Variants in CFAP299 observed in about 807,000 individuals in gnomAD.
The protein encoded by CFAP299 is cilia- and flagella-associated protein 299.
CFAP299 carries 21 observed loss-of-function variants against 27.0 expected under a neutral mutation model. The ratio of observed to expected loss-of-function variants is 0.78; its 90% CI spans 0.55 to 1.12. CFAP299 has a LOEUF of 1.12. Among genes scored for constraint, CFAP299 ranks in the 50% most tolerant of loss-of-function variants. The pLI is 0.00. For missense variants in CFAP299, 310 were observed against 276.6 expected (o/e 1.12, Z -0.86); for synonymous variants, 104 against 98.1 (o/e 1.06, Z -0.36).
intron 3 of CFAP299, among the ~76,000 whole-genome samples, chr4:80,608,861 ATGTGTGTG>A (rs33963629): frequency 0.013 from 1,876 of 146,838 alleles, 23 homozygotes; most frequent in Non-Finnish European, 0.018. Context: ...TACACGATGC[ATGTGTGTG>A]TGTGTGTGTG....
At chr4:80,563,029 A>G (rs1311643064) in intron 2 of CFAP299, among the ~76,000 whole-genome samples, 1 of 152,076 alleles carries the variant, frequency 6.6e-6, no homozygotes, top group African/African-American at 2.4e-5. Context: ...TGTACCCAAC[A>G]CTGGAGCACC....
At chr4:80,612,450 A>G (rs1322277688) in intron 3 of CFAP299, among the ~76,000 whole-genome samples, 3 of 152,048 alleles carry the variant, frequency 2.0e-5, no homozygotes, top group Non-Finnish European at 4.4e-5. Flanking sequence ...AGAGTTTGAG[A>G]CAAAATCTGT....
chr4:80,342,186 C>T (rs6813734), intron 1 of CFAP299, among the ~76,000 whole-genome samples: 4,154 of 152,178 alleles, frequency 0.027, 201 homozygotes, highest in African/African-American at 0.095. Context: ...ACTGAACCTA[C>T]GACTGATTGG....
chr4:80,692,399 C>T (rs1242161956), intron 3 of CFAP299, among the ~76,000 whole-genome samples: 1 of 152,136 alleles, frequency 6.6e-6, no homozygotes, highest in Non-Finnish European at 1.5e-5. Flanking sequence ...CACATATCTA[C>T]AACTATCTGA....
intron 2 of CFAP299, among the ~76,000 whole-genome samples, chr4:80,445,341 G>T (rs892323917): frequency 5.3e-5 from 8 of 152,204 alleles, no homozygotes; most frequent in African/African-American, 9.7e-5. Flanking sequence ...ATACTATGCA[G>T]CCATAAAAAA....
chr4:80,808,216 A>G (rs1728964207), intron 3 of CFAP299, among the ~76,000 whole-genome samples: 1 of 152,160 alleles, frequency 6.6e-6, no homozygotes, highest in Non-Finnish European at 1.5e-5. Context: ...CTAATTTCTA[A>G]AATGAATATG....
At chr4:80,854,620 C>T (rs1452736492) in intron 3 of CFAP299, among the ~76,000 whole-genome samples, 1 of 150,648 alleles carries the variant, frequency 6.6e-6, no homozygotes, top group Non-Finnish European at 1.5e-5. Context: ...GCGGAAGACA[C>T]AGTGGCTCTG....
At chr4:80,661,719 G>T (rs1024819566) in intron 3 of CFAP299, among the ~76,000 whole-genome samples, 3 of 152,158 alleles carry the variant, frequency 2.0e-5, no homozygotes, top group African/African-American at 7.2e-5. Context: ...AATGTTCAGG[G>T]AACAAGGGAG....
Position 80,709,766 on chromosome 4 carries a change from G to A in CFAP299, c.333+126583G>A, listed in dbSNP as rs570358906. On this transcript the variant is annotated intron_variant, in intron 3 of 5. Coordinates refer to ENST00000358105, the MANE Select transcript of CFAP299 (RefSeq NM_152770.3). ...TGCCTGCAATGTGCAAAAACCTGGG[G>A]ACGTTACTTCAACATTGTGGGAGCA... Among the ~76,000 whole-genome samples the A allele has an allele frequency of 4.6e-5, 7 of 152,298 alleles. No homozygotes were observed. In the East Asian group the frequency reaches 1.4e-3, roughly 29 times the overall value.
chr4:80,768,443 A>G (rs1726023592), intron 3 of CFAP299, among the ~76,000 whole-genome samples: 1 of 152,214 alleles, frequency 6.6e-6, no homozygotes, highest in Non-Finnish European at 1.5e-5. Flanking sequence ...TTTACAAAAC[A>G]TTTTATTTTT....
chr4:80,595,450 T>G (rs1427708588), intron 3 of CFAP299, among the ~76,000 whole-genome samples: 1 of 152,206 alleles, frequency 6.6e-6, no homozygotes, highest in Admixed American at 6.5e-5. Flanking sequence ...TAAGCCCAGT[T>G]ATGCCTGCTT....
At chr4:80,623,982 A>G (rs912530627) in intron 3 of CFAP299, among the ~76,000 whole-genome samples, 1 of 152,176 alleles carries the variant, frequency 6.6e-6, no homozygotes, top group Non-Finnish European at 1.5e-5. Flanking sequence ...TGCACTGAAC[A>G]TAACCCAATG....
At chr4:80,558,730 T>G (rs966303988) in intron 2 of CFAP299, among the ~76,000 whole-genome samples, 2 of 151,550 alleles carry the variant, frequency 1.3e-5, no homozygotes, top group African/African-American at 4.8e-5. Flanking sequence ...GTGTAGAACA[T>G]AGATTAAAAA....
intron 3 of CFAP299, among the ~76,000 whole-genome samples, chr4:80,627,250 T>G (rs913777369): frequency 1.3e-5 from 2 of 152,000 alleles, no homozygotes; most frequent in African/African-American, 4.8e-5. Flanking sequence ...AATAAGCATA[T>G]AATCATTTCC....
At chr4:80,861,091 T>A (rs1379416261) in intron 3 of CFAP299, among the ~76,000 whole-genome samples, 1 of 152,214 alleles carries the variant, frequency 6.6e-6, no homozygotes, top group African/African-American at 2.4e-5. Context: ...CTGCTTTGTT[T>A]ACCTAAGCAA....
chr4:80,429,847 TA>T (rs751191384), intron 2 of CFAP299, among the ~76,000 whole-genome samples: 52 of 151,146 alleles, frequency 3.4e-4, no homozygotes, highest in South Asian at 1.3e-3. Flanking sequence ...ATGTCATTGT[TA>T]AAAAAAAATG....
chr4:80,745,160 G>A lies in CFAP299; in HGVS notation c.334-124833G>A, dbSNP rs370648960. On this transcript the variant is annotated intron_variant, in intron 3 of 5. Transcript: ENST00000358105. ...CTTACATATGTGAAGATCTTTCTTCGCTAGGCTTAATACCATTATCTCATT... is the reference window on the plus strand; with the variant it reads ...CTTACATATGTGAAGATCTTTCTTCACTAGGCTTAATACCATTATCTCATT... Among the ~76,000 whole-genome samples, 17 of 152,184 alleles carry A rather than the reference G, an allele frequency of 1.1e-4. 1 individual carries two copies. Among genetic ancestry groups the A allele is most frequent in the South Asian group, 4.2e-4 (2 of 4,816 alleles).
chr4:80,828,064 A>G (rs1365890733), intron 3 of CFAP299, among the ~76,000 whole-genome samples: 1 of 152,092 alleles, frequency 6.6e-6, no homozygotes. Context: ...ACAAATAAGA[A>G]GGCATCCCAT....
intron 3 of CFAP299, among the ~76,000 whole-genome samples, chr4:80,614,516 C>T (rs902006687): frequency 6.6e-6 from 1 of 152,188 alleles, no homozygotes; most frequent in African/African-American, 2.4e-5. Flanking sequence ...GGGAAAGCAC[C>T]AAGAGCAGGC....
Sources: allele counts gnomAD v4.1 joint callset (sites outside exome capture counted in the v4.1 genomes callset), GRCh38; gene constraint gnomAD v4.1.1; transcripts MANE v1.5; gene names NCBI Gene and HGNC (gene_info 2026-07-23, HGNC 2026-07-21).